RANBP9: variants seen among roughly 807,000 people sequenced by gnomAD.
RANBP9 encodes the protein RAN binding protein 9, also known as ran-binding protein 9.
In RANBP9, 15 loss-of-function variants were observed where a neutral mutation model predicts 84.3. The observed-to-expected ratio is 0.18, with a 90% CI of 0.12 to 0.27. RANBP9 has a LOEUF of 0.27. RANBP9 is among the 10% of genes least tolerant of loss of function. RANBP9 has a pLI of 1.00. For synonymous variants in RANBP9, 392 were observed against 349.6 expected, an observed-to-expected ratio of 1.12 and a Z score of -1.35; for missense variants, 809 against 912.8, an observed-to-expected ratio of 0.89 and a Z score of 1.46.
chr6:13,637,842 T>C lies in RANBP9; in HGVS notation c.1639A>G (p.Met547Val). ...TTATTAACTTGCTGTGATCTTGACA[T>C]ATTTATACTGTTTAGTTCTGGTACA... ...LNVPELNSIN[M>V]SRSQQVNNFT... Residue 547 changes from methionine (M) to valine (V), a missense_variant, in exon 10 of 14, where the codon ATG becomes GTG. Around this residue, in one of 5 missense-constraint regions of RANBP9, gnomAD observed 233 missense variants for 234.4 expected, o/e 0.99. Coordinates refer to ENST00000011619, the MANE Select transcript of RANBP9 (RefSeq NM_005493.3). 5 of 1,606,810 alleles carry C rather than the reference T, an allele frequency of 3.1e-6. No homozygotes were observed. Among genetic ancestry groups the C allele is most frequent in the Non-Finnish European group, 4.2e-6 (5 of 1,177,296 alleles).
At chr6:13,709,109 T>C (rs1386860087) in intron 1 of RANBP9, among the ~76,000 whole-genome samples, 1 of 152,154 alleles carries the variant, frequency 6.6e-6, no homozygotes, top group Non-Finnish European at 1.5e-5. Flanking sequence ...TATTCCAAAC[T>C]CCAACTAATT....
In RANBP9 at chr6:13,632,449, A is replaced by T. The variant is rs371276642; in HGVS notation, c.1868T>A (p.Phe623Tyr). Residue 623 changes from phenylalanine (F) to tyrosine (Y), a missense_variant, in exon 12 of 14, where the codon TTT (phenylalanine) becomes TAT (tyrosine). Coordinates refer to ENST00000011619, the MANE Select transcript of RANBP9 (RefSeq NM_005493.3). ...ACTCATTGCTTGCAGCTCTCGTCCA[A>T]AGTGGATCATTCTTTCTATGGCGGC... ...SQAAIERMIH[F>Y]GRELQAMSEQ... The T allele has an allele frequency of 3.1e-6, 5 of 1,613,768 alleles. No homozygotes were observed. In the African/African-American group the frequency reaches 6.7e-5, roughly 22 times the overall value.
At chr6:13,707,377 C>T (rs1758154407) in intron 1 of RANBP9, among the ~76,000 whole-genome samples, 1 of 152,206 alleles carries the variant, frequency 6.6e-6, no homozygotes, top group African/African-American at 2.4e-5. Flanking sequence ...TGGATTTCTT[C>T]TAAACTGTTC....
chr6:13,681,505 C>G (rs559724175), intron 2 of RANBP9, among the ~76,000 whole-genome samples: 1 of 151,618 alleles, frequency 6.6e-6, no homozygotes, highest in South Asian at 2.1e-4. Context: ...GCTCACAATA[C>G]AAGAGTACCT....
At chr6:13,633,512 C>T (rs571309212) in intron 11 of RANBP9, among the ~76,000 whole-genome samples, 83 of 152,156 alleles carry the variant, frequency 5.5e-4, no homozygotes, top group African/African-American at 1.9e-3. Flanking sequence ...CGTTATTATA[C>T]CCATTTTACA....
intron 2 of RANBP9, among the ~76,000 whole-genome samples, chr6:13,687,947 C>G (rs1357071540): frequency 2.0e-5 from 3 of 152,212 alleles, no homozygotes; most frequent in Non-Finnish European, 4.4e-5. Context: ...AAACTTTATG[C>G]TGAGCTTCCT....
rs1584941196 is a variant in RANBP9, at chr6:13,683,926, C to A, written c.683+12859G>T. On this transcript the variant is annotated intron_variant, in intron 2 of 13. Coordinates refer to ENST00000011619, the MANE Select transcript of RANBP9 (RefSeq NM_005493.3). ...TTATATATCTTTAGGTCACTTTTCC[C>A]ATATTTCATACCTTCTTAAATAACC... is the stretch of plus-strand genomic sequence containing the variant. Among the ~76,000 whole-genome samples, 6 of 152,132 alleles carry A rather than the reference C, an allele frequency of 3.9e-5. No homozygotes were observed. In the East Asian group the frequency reaches 1.2e-3, roughly 29 times the overall value.
intron 2 of RANBP9, among the ~76,000 whole-genome samples, chr6:13,689,633 A>G (rs1766278083): frequency 6.6e-6 from 1 of 152,128 alleles, no homozygotes; most frequent in Admixed American, 6.5e-5. Context: ...TGAACCATGT[A>G]TCTCTGCCAA....
chr6:13,628,328 A>G (rs7742721), intron 12 of RANBP9, among the ~76,000 whole-genome samples: 151,547 of 152,332 alleles, frequency 0.99, 75,382 homozygotes, highest in East Asian at 1. Context: ...TGCTTCAAGA[A>G]AAGGCTTACA....
At chr6:13,710,914 C>G in intron 1 of RANBP9, 21 bp downstream of exon 1, 1 of 1,584,434 alleles carries the variant, frequency 6.3e-7, no homozygotes, top group Non-Finnish European at 8.6e-7. Flanking sequence ...CCACTCCCAC[C>G]GCAGGACACA....
intron 1 of RANBP9, among the ~76,000 whole-genome samples, chr6:13,702,193 A>G (rs1419804144): frequency 6.6e-6 from 1 of 152,208 alleles, no homozygotes; most frequent in Non-Finnish European, 1.5e-5. Flanking sequence ...CTGTAATCCC[A>G]GCACTTTGGG....
intron 2 of RANBP9, among the ~76,000 whole-genome samples, chr6:13,661,443 A>G (rs1233996508): frequency 6.6e-6 from 1 of 152,198 alleles, no homozygotes; most frequent in Non-Finnish European, 1.5e-5. Flanking sequence ...TGCAAGGACA[A>G]AATTCTAAAA....
At chr6:13,691,542 A>T (rs776623571) in intron 2 of RANBP9, among the ~76,000 whole-genome samples, 16 of 152,348 alleles carry the variant, frequency 1.1e-4, no homozygotes, top group South Asian at 2.1e-4. Flanking sequence ...TGAAAGAGGC[A>T]ATTCACATCC....
chr6:13,635,679 A>G (rs1051652529), intron 10 of RANBP9, among the ~76,000 whole-genome samples: 8 of 151,998 alleles, frequency 5.3e-5, no homozygotes, highest in Admixed American at 1.3e-4. Flanking sequence ...ACTCCAGAGC[A>G]GACTTACTCA....
At position 13,641,414 on chromosome 6, in the gene RANBP9, G is replaced by A. The variant is rs1442639132; in HGVS notation, c.1226-107C>T. On this transcript the variant is annotated intron_variant, in intron 7 of 13. Transcript: ENST00000011619. ...AGTAAGAAATCTTTAAATAAATTAT[G>A]ATTAATTTCAATTTCTTTCTCTAAC... 5 of 649,176 alleles carry A rather than the reference G, an allele frequency of 7.7e-6. No individual in the cohort carries two copies. In the African/African-American group the frequency reaches 9.7e-5, roughly 13 times the overall value. The allele number at this position is 649,176 out of a possible 1,614,324, so 40.2% of individuals were successfully genotyped here.
chr6:13,661,006 T>A (rs1193426902), intron 2 of RANBP9, among the ~76,000 whole-genome samples: 1 of 152,198 alleles, frequency 6.6e-6, no homozygotes, highest in Non-Finnish European at 1.5e-5. Context: ...GGCTCAAAGT[T>A]CCCCCTCCTC....
chr6:13,638,156 T>C (rs1764984449), intron 9 of RANBP9, among the ~76,000 whole-genome samples: 1 of 152,178 alleles, frequency 6.6e-6, no homozygotes, highest in Non-Finnish European at 1.5e-5. Flanking sequence ...CTAACATTTA[T>C]TGAAGGCTTA....
rs1362800332 is a variant in RANBP9, at chr6:13,664,472, A to T, written c.684-5640T>A. 2.3e-5 allele frequency among the ~76,000 whole-genome samples: 3 copies of T among 133,180 alleles called. No individual in the cohort carries two copies. The Admixed American group carries it at 2.4e-4, about 10-fold the overall frequency. The allele number at this position is 133,180 out of a possible 152,430, so 87.4% of individuals were successfully genotyped here. ...CCACAATAGGCTTTTCTTTTTTTTTAATCTGAAAAGCTGATTCTAAAGTGT... is the reference window on the plus strand; with the variant it reads ...CCACAATAGGCTTTTCTTTTTTTTTTATCTGAAAAGCTGATTCTAAAGTGT... On this transcript the variant is annotated intron_variant, in intron 2 of 13. Coordinates refer to ENST00000011619, the MANE Select transcript of RANBP9 (RefSeq NM_005493.3).
intron 2 of RANBP9, among the ~76,000 whole-genome samples, chr6:13,673,295 G>C (rs1765815857): frequency 6.6e-6 from 1 of 152,196 alleles, no homozygotes; most frequent in South Asian, 2.1e-4. Flanking sequence ...TTAGCATCCA[G>C]AGAAATTATC....
Sources: gnomAD v4.1 joint callset for allele counts (sites outside exome capture counted in the v4.1 genomes callset) on GRCh38, gnomAD v4.1.1 for gene constraint, gnomAD v4.1.1 regional missense constraint, MANE v1.5 for transcripts, NCBI Gene and HGNC (gene_info 2026-07-23, HGNC 2026-07-21) for gene names.